FSTL4: variants seen among roughly 807,000 people sequenced by gnomAD.
The protein encoded by FSTL4 is follistatin-related protein 4.
FSTL4 carries 28 observed loss-of-function variants against 78.2 expected under a neutral mutation model. The observed-to-expected ratio is 0.36, with a 90% confidence interval of 0.27 to 0.49. The LOEUF is 0.49. Among genes scored for constraint, FSTL4 ranks in the 20% least tolerant of loss-of-function variants. The pLI, the probability that FSTL4 is intolerant of heterozygous loss-of-function variation, is 0.98. For synonymous variants in FSTL4, 422 were observed against 440.5 expected (o/e 0.96, Z 0.53); for missense variants, 922 against 1,084.9 (o/e 0.85, Z 2.11).
intron 3 of FSTL4, among the ~76,000 whole-genome samples, chr5:133,470,165 G>A (rs1404941610): frequency 6.6e-6 from 1 of 152,104 alleles, no homozygotes. Flanking sequence ...CCCTTGTGCT[G>A]TCCTTACTTC....
intron 12 of FSTL4, among the ~76,000 whole-genome samples, chr5:133,218,162 T>C (rs1249168364): frequency 6.6e-6 from 1 of 152,232 alleles, no homozygotes; most frequent in Non-Finnish European, 1.5e-5. Flanking sequence ...GCAAGTCTGC[T>C]GTTTTACTTC....
At chr5:133,241,439 C>T (rs879636643) in intron 7 of FSTL4, among the ~76,000 whole-genome samples, 2 of 152,210 alleles carry the variant, frequency 1.3e-5, no homozygotes, top group Non-Finnish European at 2.9e-5. Context: ...ACCTGATTAT[C>T]TGGGTATACA....
At chr5:133,540,398 G>A (rs531874479) in intron 3 of FSTL4, among the ~76,000 whole-genome samples, 8 of 152,114 alleles carry the variant, frequency 5.3e-5, no homozygotes, top group African/African-American at 1.9e-4. Context: ...CTCCCTATGG[G>A]ACAATGCTCT....
chr5:133,604,044 A>G lies in FSTL4; in HGVS notation c.-10-51T>C, dbSNP rs1029424406. On this transcript the variant is annotated intron_variant, in intron 1 of 15. Coordinates refer to ENST00000265342, the MANE Select transcript of FSTL4 (RefSeq NM_015082.2). ...GAATAAAACATTATGAGATGGATAT[A>G]ATAAGTCACAGTGAGTTAGTATGTG... The G allele has an allele frequency of 5.2e-6, 7 of 1,356,622 alleles. No homozygotes were observed. The African/African-American group carries it at 5.7e-5, about 11-fold the overall frequency. The allele number at this position is 1,356,622 out of a possible 1,614,324, so 84.0% of individuals were successfully genotyped here.
intron 7 of FSTL4, among the ~76,000 whole-genome samples, chr5:133,245,732 C>A (rs1056715555): frequency 6.6e-6 from 1 of 152,204 alleles, no homozygotes; most frequent in African/African-American, 2.4e-5. Context: ...GGGCCACACA[C>A]GATTGGGTGA....
chr5:133,555,942 A>C (rs1759777215), intron 3 of FSTL4, among the ~76,000 whole-genome samples: 1 of 152,192 alleles, frequency 6.6e-6, no homozygotes, highest in African/African-American at 2.4e-5. Context: ...TTTACCCCCC[A>C]CAACGCATTG....
At chr5:133,210,039 G>C in intron 14 of FSTL4, 152 bp downstream of exon 14, 2 of 557,422 alleles carry the variant, frequency 3.6e-6, no homozygotes, top group Middle Eastern at 3.7e-4. Flanking sequence ...GCATTGGCCT[G>C]AGGCTGTTTC....
intron 4 of FSTL4, among the ~76,000 whole-genome samples, chr5:133,366,504 C>T (rs531036397): frequency 6.6e-6 from 1 of 152,262 alleles, no homozygotes; most frequent in South Asian, 2.1e-4. Flanking sequence ...TCCATGTTTA[C>T]TGACAGAGTG....
At chr5:133,490,445 C>A (rs1340181016) in intron 3 of FSTL4, among the ~76,000 whole-genome samples, 4 of 151,586 alleles carry the variant, frequency 2.6e-5, no homozygotes, top group African/African-American at 9.7e-5. Context: ...TCTATTAAGG[C>A]ACGCTCTTTT....
the FSTL4 span, among the ~76,000 whole-genome samples, chr5:133,808,991 G>T: frequency 1.3e-5 from 2 of 151,880 alleles, no homozygotes; most frequent in Non-Finnish European, 2.9e-5. Flanking sequence ...TCACTTCAAG[G>T]GCAGTTCTTT....
intron 6 of FSTL4, among the ~76,000 whole-genome samples, chr5:133,306,207 G>C (rs1753651463): frequency 6.6e-6 from 1 of 152,160 alleles, no homozygotes; most frequent in Non-Finnish European, 1.5e-5. Context: ...GTTGGGCCGG[G>C]TGGGGCTGCT....
At chr5:133,496,113 G>A (rs774383440) in intron 3 of FSTL4, among the ~76,000 whole-genome samples, 5 of 152,106 alleles carry the variant, frequency 3.3e-5, no homozygotes, top group Non-Finnish European at 7.3e-5. Context: ...TCCTCCGATC[G>A]TTCACTTCTG....
intron 4 of FSTL4, among the ~76,000 whole-genome samples, chr5:133,346,544 G>C (rs1446297798): frequency 6.6e-6 from 1 of 152,144 alleles, no homozygotes; most frequent in Non-Finnish European, 1.5e-5. Context: ...TGGAAGCTTT[G>C]AGAATCTTCT....
the FSTL4 span, among the ~76,000 whole-genome samples, chr5:133,675,957 T>C: frequency 3.3e-5 from 5 of 152,086 alleles, no homozygotes; most frequent in Non-Finnish European, 7.4e-5. Flanking sequence ...CCAATGGGAA[T>C]GCTCCAGGGC....
At chr5:133,343,225 G>A (rs1185701725) in intron 4 of FSTL4, among the ~76,000 whole-genome samples, 1 of 152,204 alleles carries the variant, frequency 6.6e-6, no homozygotes, top group East Asian at 1.9e-4. Context: ...AGAAAGTTCT[G>A]AGTCCTCTGT....
intron 6 of FSTL4, among the ~76,000 whole-genome samples, chr5:133,263,541 G>A (rs1471539110): frequency 1.3e-5 from 2 of 152,122 alleles, no homozygotes; most frequent in African/African-American, 4.8e-5. Flanking sequence ...TTTGACTGTG[G>A]GCTTGGCAAC....
At chr5:133,221,092 C>T (rs987766659) in intron 11 of FSTL4, 28 of 626,544 alleles carry the variant, frequency 4.5e-5, no homozygotes, top group Middle Eastern at 8.4e-4. Context: ...TCACAGGCTA[C>T]GTACAGCTGC....
At chr5:133,745,906 C>G in the FSTL4 span, among the ~76,000 whole-genome samples, 58 of 152,278 alleles carry the variant, frequency 3.8e-4, no homozygotes, top group East Asian at 9.6e-3. Flanking sequence ...CAAACAAGTT[C>G]CCCGTGATGG....
At chr5:133,467,305 C>A (rs1580728090) in intron 3 of FSTL4, among the ~76,000 whole-genome samples, 1 of 151,594 alleles carries the variant, frequency 6.6e-6, no homozygotes, top group African/African-American at 2.4e-5. Context: ...TACACCACTG[C>A]ATTCCCTGGG....
Sources: gnomAD v4.1 joint callset for allele counts (sites outside exome capture counted in the v4.1 genomes callset) on GRCh38, gnomAD v4.1.1 for gene constraint, MANE v1.5 for transcripts, NCBI Gene and HGNC (gene_info 2026-07-23, HGNC 2026-07-21) for gene names.